Variants in FHAD1 observed in about 807,000 individuals in gnomAD.
FHAD1 encodes the protein forkhead associated phosphopeptide binding domain 1, also known as forkhead-associated domain-containing protein 1.
In FHAD1, 146 loss-of-function variants were observed where a neutral mutation model predicts 191.3. The ratio of observed to expected loss-of-function variants is 0.76; its 90% CI spans 0.67 to 0.88. The LOEUF (loss-of-function observed/expected upper bound fraction) is 0.88. Among genes scored for constraint, FHAD1 ranks in the 40% least tolerant of loss-of-function variants. FHAD1 has a pLI of 0.00. For missense variants in FHAD1, 1,635 were observed against 1,785.8 expected, an observed-to-expected ratio of 0.92 and a Z score of 1.52; for synonymous variants, 616 against 672.3, an observed-to-expected ratio of 0.92 and a Z score of 1.29.
chr1:15,243,924 A>G (rs1199803464), upstream of FHAD1, among the ~76,000 whole-genome samples: 5 of 152,160 alleles, frequency 3.3e-5, no homozygotes, highest in Admixed American at 6.5e-5. Flanking sequence ...TAGCTGTGTG[A>G]CTTTAGGCAG....
At chr1:15,383,361 C>T (rs1227599852) in intron 31 of FHAD1, 2 of 417,848 alleles carry the variant, frequency 4.8e-6, no homozygotes, top group East Asian at 7.1e-5. Flanking sequence ...CCATGCTGCC[C>T]ATGACCCATG....
intron 3 of FHAD1, among the ~76,000 whole-genome samples, chr1:15,288,470 C>A (rs1190384298): frequency 6.6e-6 from 1 of 152,240 alleles, no homozygotes; most frequent in African/African-American, 2.4e-5. Context: ...AAAGGCTAAT[C>A]AGACAGTCAG....
chr1:15,397,231 C>A, intron 33 of FHAD1, 66 bp from the exon 34 acceptor site: 1 of 707,020 alleles, frequency 1.4e-6, no homozygotes, highest in Non-Finnish European at 2.3e-6. Flanking sequence ...AACAAAACCA[C>A]TTGAGTGGAA....
chr1:15,256,083 CCTT>C (rs1647934803), intron 2 of FHAD1, among the ~76,000 whole-genome samples: 1 of 152,204 alleles, frequency 6.6e-6, no homozygotes, highest in African/African-American at 2.4e-5. Flanking sequence ...CAGAGCTAAA[CCTT>C]CTGGTTATAA....
intron 18 of FHAD1, among the ~76,000 whole-genome samples, chr1:15,346,337 C>T (rs1688918282): frequency 6.6e-6 from 1 of 152,226 alleles, no homozygotes; most frequent in Non-Finnish European, 1.5e-5. Flanking sequence ...TTTCCAGCCT[C>T]TCCCGAAAAG....
At chr1:15,339,681 T>C in intron 15 of FHAD1, 130 bp downstream of exon 15, 1 of 343,674 alleles carries the variant, frequency 2.9e-6, no homozygotes, top group Non-Finnish European at 5.5e-6. Flanking sequence ...ATAGGTGAAA[T>C]GATTTCTTCA....
intron 25 of FHAD1, 81 bp from the exon 26 acceptor site, chr1:15,369,289 C>T (rs1292301571): frequency 1.5e-5 from 21 of 1,417,602 alleles, no homozygotes; most frequent in African/African-American, 5.8e-5. Context: ...AAATAGAGCT[C>T]CATGTCCTGG....
chr1:15,301,642 G>A (rs145336293), intron 6 of FHAD1, among the ~76,000 whole-genome samples: 2 of 152,334 alleles, frequency 1.3e-5, no homozygotes, highest in Admixed American at 6.5e-5. Flanking sequence ...GTTCAGCACT[G>A]GCCATGTGCA....
chr1:15,306,537 C>A (rs548773872), intron 6 of FHAD1, among the ~76,000 whole-genome samples: 152 of 152,294 alleles, frequency 1.0e-3, no homozygotes, highest in Non-Finnish European at 1.8e-3. Context: ...CCCAGAGGCC[C>A]AGGAGGAAAA....
chr1:15,278,477 T>C (rs1384348242), intron 3 of FHAD1, among the ~76,000 whole-genome samples: 1 of 143,408 alleles, frequency 7.0e-6, no homozygotes, highest in Non-Finnish European at 1.5e-5. Context: ...CATTACCTCT[T>C]TTTTTTTTTT....
At chr1:15,392,271 G>A (rs989637172) in intron 33 of FHAD1, among the ~76,000 whole-genome samples, 4 of 152,160 alleles carry the variant, frequency 2.6e-5, no homozygotes, top group East Asian at 1.9e-4. Flanking sequence ...GGTGGCTCAC[G>A]CCTGTAATCC....
At chr1:15,263,485 T>C (rs1651977338) in intron 2 of FHAD1, among the ~76,000 whole-genome samples, 1 of 151,006 alleles carries the variant, frequency 6.6e-6, no homozygotes, top group Admixed American at 6.6e-5. Flanking sequence ...TTGTTTATGG[T>C]GTAAGTTAAG....
chr1:15,400,549 A>G (rs925854869), downstream of FHAD1, among the ~76,000 whole-genome samples: 1 of 152,222 alleles, frequency 6.6e-6, no homozygotes, highest in Admixed American at 6.5e-5. Context: ...AACTTTGGCC[A>G]TGTCTGGACA....
intron 20 of FHAD1, chr1:15,357,852 A>G (rs1693392010): frequency 2.8e-6 from 1 of 357,858 alleles, no homozygotes. Context: ...GAGAAATAAA[A>G]CATACTCAAT....
At chr1:15,291,934 C>G (rs114116778) in intron 4 of FHAD1, among the ~76,000 whole-genome samples, 387 of 152,270 alleles carry the variant, frequency 2.5e-3, no homozygotes, top group African/African-American at 8.8e-3. Flanking sequence ...AAGAGTGGTC[C>G]TAGAGAGAAA....
At chr1:15,322,524 C>T (rs1472706764) in intron 10 of FHAD1, among the ~76,000 whole-genome samples, 1 of 152,202 alleles carries the variant, frequency 6.6e-6, no homozygotes, top group Non-Finnish European at 1.5e-5. Flanking sequence ...CTGTCTGACT[C>T]CAGTTACTGT....
intron 1 of FHAD1, among the ~76,000 whole-genome samples, chr1:15,240,036 G>A (rs1337041201): frequency 1.3e-5 from 2 of 152,190 alleles, no homozygotes; most frequent in African/African-American, 2.4e-5. Flanking sequence ...CCCTTGAGTC[G>A]GGGCAGGACC....
chr1:15,396,891 ATAAT>A (rs1458104898), intron 33 of FHAD1, among the ~76,000 whole-genome samples: 1 of 152,032 alleles, frequency 6.6e-6, no homozygotes, highest in East Asian at 1.9e-4. Context: ...CATGTTAAAA[ATAAT>A]TAAATAAGGC....
chr1:15,353,535 T>C (rs1407034447), intron 20 of FHAD1, among the ~76,000 whole-genome samples: 1 of 151,392 alleles, frequency 6.6e-6, no homozygotes, highest in Non-Finnish European at 1.5e-5. Context: ...TGAAACCCCA[T>C]CTCTACTAAA....
Sources: allele counts gnomAD v4.1 joint callset (sites outside exome capture counted in the v4.1 genomes callset), GRCh38; gene constraint gnomAD v4.1.1; transcripts MANE v1.5; gene names NCBI Gene and HGNC (gene_info 2026-07-23, HGNC 2026-07-21).